Variants in MINDY4B observed in about 807,000 individuals in gnomAD.
MINDY4B encodes the protein inactive ubiquitin carboxyl-terminal hydrolase MINDY-4B.
In MINDY4B, 25 loss-of-function variants were observed where a neutral mutation model predicts 16.7. The ratio of observed to expected loss-of-function variants is 1.49; its 90% confidence interval spans 1.09 to 2.09. MINDY4B has a LOEUF of 2.09. MINDY4B is among the 30% of genes most tolerant of loss of function. MINDY4B has a pLI of 0.00. For synonymous variants in MINDY4B, 132 were observed against 61.9 expected (o/e 2.13, Z -5.32); for missense variants, 327 against 168.4 (o/e 1.94, Z -5.21).
rs539702695 is a variant in MINDY4B at position 150,900,691 on chromosome 3, A to G, written c.309+2558T>C. Reference sequence around the variant, plus strand: ...ATTTCTGGGACTTTCTTAACACCCTATCAACTTCATTTCTAAATCTTTTGT... The same window carrying G: ...ATTTCTGGGACTTTCTTAACACCCTGTCAACTTCATTTCTAAATCTTTTGT... On this transcript the variant is annotated intron_variant, in intron 3 of 11. Transcript: ENST00000465419. 9.2e-5 allele frequency among the ~76,000 whole-genome samples: 14 copies of G among 152,302 alleles called. No individual in the cohort carries two copies. The South Asian group carries it at 1.7e-3, about 18-fold the overall frequency.
In MINDY4B at chr3:150,871,053, AG is replaced by A; in HGVS notation, c.1374del (p.Phe459SerfsTer54). On this transcript the variant is annotated frameshift_variant, in exon 12 of 12. Transcript: ENST00000465419. LOFTEE classifies it high-confidence loss of function. ...CACAGCCTAGTTTCCCTTTAGAAGA[AG>A]GGAACGGTCCCATTCCAGTTGATGG... ...EATINWNGTV[P>X]FF The A allele has an allele frequency of 1.4e-6, 1 of 702,804 alleles. No individual in the cohort carries two copies. The highest frequency in any genetic ancestry group is 1.7e-5 in the African/African-American group (1 of 57,380). The allele number at this position is 702,804 out of a possible 1,614,324, so 43.5% of individuals were successfully genotyped here.
At chr3:150,894,082 A>C in intron 4 of MINDY4B, 104 bp downstream of exon 4, 1 of 541,664 alleles carries the variant, frequency 1.8e-6, no homozygotes, top group Non-Finnish European at 3.2e-6. Flanking sequence ...ATTTCTACAC[A>C]TGATTATAAT....
intron 10 of MINDY4B, among the ~76,000 whole-genome samples, chr3:150,877,119 T>C (rs1711497827): frequency 6.6e-6 from 1 of 152,130 alleles, no homozygotes; most frequent in Non-Finnish European, 1.5e-5. Context: ...TTGCAATCTC[T>C]GCAATTTTAT....
chr3:150,886,848 C>T (rs1055137375), intron 7 of MINDY4B, among the ~76,000 whole-genome samples: 1 of 152,216 alleles, frequency 6.6e-6, no homozygotes, highest in African/African-American at 2.4e-5. Context: ...CCCCCACCCA[C>T]TCTCAAGATC....
intron 5 of MINDY4B, 38 bp from the exon 6 acceptor site, chr3:150,891,141 T>C (rs1392241861): frequency 2.9e-6 from 2 of 683,432 alleles, no homozygotes; most frequent in Non-Finnish European, 5.4e-6. Context: ...ACCATTGGAA[T>C]GAACATCACC....
chr3:150,871,705 C>G (rs1446246691), intron 11 of MINDY4B, among the ~76,000 whole-genome samples: 1 of 152,114 alleles, frequency 6.6e-6, no homozygotes, highest in African/African-American at 2.4e-5. Context: ...AGAAAATTAG[C>G]TGTGTGTGGT....
At chr3:150,886,809 G>A (rs933179031) in intron 7 of MINDY4B, among the ~76,000 whole-genome samples, 2 of 151,894 alleles carry the variant, frequency 1.3e-5, no homozygotes, top group African/African-American at 2.4e-5. Context: ...TTGATTAATT[G>A]AGCCCATCTG....
At chr3:150,882,564 G>GTATATA (rs59302082) in intron 10 of MINDY4B, among the ~76,000 whole-genome samples, 101 of 148,090 alleles carry the variant, frequency 6.8e-4, no homozygotes, top group East Asian at 5.3e-3. Context: ...GTGTATGTGT[G>GTATATA]TATATATATA....
chr3:150,879,769 G>C (rs1711505764), intron 10 of MINDY4B, among the ~76,000 whole-genome samples: 1 of 152,154 alleles, frequency 6.6e-6, no homozygotes, highest in Admixed American at 6.5e-5. Context: ...GGGATGACCT[G>C]GGCATTGATA....
intron 2 of MINDY4B, among the ~76,000 whole-genome samples, chr3:150,903,908 C>T (rs1712177187): frequency 6.6e-6 from 1 of 152,194 alleles, no homozygotes; most frequent in Non-Finnish European, 1.5e-5. Context: ...AATCCACCGT[C>T]TACCTTTAAA....
intron 3 of MINDY4B, 79 bp from the exon 4 acceptor site, chr3:150,894,384 C>T: frequency 3.3e-6 from 2 of 603,654 alleles, no homozygotes; most frequent in Middle Eastern, 5.3e-4. Flanking sequence ...TCATGGCCAC[C>T]TCAAGGAGGT....
chr3:150,883,917 G>T (rs1711565978), intron 8 of MINDY4B, 145 bp from the exon 9 acceptor site: 1 of 608,966 alleles, frequency 1.6e-6, no homozygotes, highest in Non-Finnish European at 2.9e-6. Flanking sequence ...TCTCTCACAG[G>T]GAAAGCCTCT....
chr3:150,902,931 C>A (rs934093229), intron 3 of MINDY4B, among the ~76,000 whole-genome samples: 1 of 152,126 alleles, frequency 6.6e-6, no homozygotes, highest in Non-Finnish European at 1.5e-5. Context: ...CCACAGTCTG[C>A]CACTTAGAGA....
intron 9 of MINDY4B, among the ~76,000 whole-genome samples, 160 bp from the exon 10 acceptor site, chr3:150,883,218 A>T (rs1355771604): frequency 6.6e-6 from 1 of 152,236 alleles, no homozygotes; most frequent in Non-Finnish European, 1.5e-5. Context: ...TGGTAGATTT[A>T]AAACAATCAT....
At chr3:150,890,697 T>C (rs1365903759) in intron 6 of MINDY4B, 3 of 509,176 alleles carry the variant, frequency 5.9e-6, no homozygotes, top group South Asian at 3.3e-5. Flanking sequence ...ATATCATTTA[T>C]GATTATTTCA....
intron 2 of MINDY4B, 146 bp downstream of exon 2, chr3:150,904,916 G>A (rs2107913823): frequency 2.5e-6 from 1 of 396,680 alleles, no homozygotes; most frequent in East Asian, 3.6e-5. Flanking sequence ...ATCTTCGACA[G>A]GCTTTCTAGT....
chr3:150,885,557 G>A (rs558636426), intron 7 of MINDY4B, 119 bp from the exon 8 acceptor site: 1 of 657,546 alleles, frequency 1.5e-6, no homozygotes, highest in Admixed American at 2.3e-5. Context: ...GCTGCTGAAA[G>A]GAATGAGCTC....
intron 7 of MINDY4B, among the ~76,000 whole-genome samples, chr3:150,886,473 A>G (rs935767911): frequency 3.9e-5 from 6 of 152,204 alleles, no homozygotes; most frequent in South Asian, 2.1e-4. Context: ...TGATGCAAAC[A>G]GATGCTTTTA....
At chr3:150,900,859 G>T (rs369377215) in intron 3 of MINDY4B, among the ~76,000 whole-genome samples, 5 of 152,188 alleles carry the variant, frequency 3.3e-5, no homozygotes, top group African/African-American at 1.2e-4. Context: ...AAGACTAGAA[G>T]ATTTTGCAAA....
Sources: allele counts gnomAD v4.1 joint callset (sites outside exome capture counted in the v4.1 genomes callset), GRCh38; gene constraint gnomAD v4.1.1; transcripts MANE v1.5; gene names NCBI Gene and HGNC (gene_info 2026-07-23, HGNC 2026-07-21).